Variants in VPS13B observed in about 807,000 individuals in gnomAD.
VPS13B encodes vacuolar protein sorting 13 homolog B.
A neutral mutation model predicts 426.4 loss-of-function variants in VPS13B; 285 were observed. The ratio of observed to expected loss-of-function variants is 0.67; its 90% CI spans 0.61 to 0.74. The LOEUF is 0.74. Among genes scored for constraint, VPS13B ranks in the 30% least tolerant of loss-of-function variants. The pLI is 0.00. For synonymous variants in VPS13B, 1,676 were observed against 1,676.4 expected, an observed-to-expected ratio of 1.00 and a Z score of 0.01; for missense variants, 4,537 against 4,782.6, an observed-to-expected ratio of 0.95 and a Z score of 1.51.
Position 99,490,529 on chromosome 8 carries a change from C to T in VPS13B, c.3870+8727C>T, listed in dbSNP as rs571956913. Among the ~76,000 whole-genome samples the T allele has an allele frequency of 1.2e-4, 19 of 152,258 alleles. No homozygotes were observed. The East Asian group carries it at 3.1e-3, about 25-fold the overall frequency. On this transcript the variant is annotated intron_variant, in intron 25 of 61. Transcript: ENST00000357162. ...GAATTCGGCTGTGTATCCATCTGGT[C>T]CTGGACTTTTTTTGGTTGGTAGGCT...
At chr8:99,708,715 T>C (rs1832586782) in intron 36 of VPS13B, among the ~76,000 whole-genome samples, 1 of 152,152 alleles carries the variant, frequency 6.6e-6, no homozygotes, top group Non-Finnish European at 1.5e-5. Context: ...TGGCATCTTT[T>C]ACAGCTTAAA....
chr8:99,375,272 A>G (rs192165474), intron 19 of VPS13B, among the ~76,000 whole-genome samples: 134 of 152,314 alleles, frequency 8.8e-4, no homozygotes, highest in African/African-American at 3.0e-3. Flanking sequence ...GCCAAGAATT[A>G]TAGCCACTAT....
chr8:99,394,607 C>T (rs911879611), intron 21 of VPS13B, among the ~76,000 whole-genome samples: 5 of 152,016 alleles, frequency 3.3e-5, no homozygotes, highest in Admixed American at 3.3e-4. Context: ...ACAATGAAAC[C>T]CCTAAGAGCT....
intron 21 of VPS13B, among the ~76,000 whole-genome samples, chr8:99,394,424 G>T (rs1199946375): frequency 6.6e-6 from 1 of 152,184 alleles, no homozygotes; most frequent in East Asian, 1.9e-4. Flanking sequence ...GCTGGCTACA[G>T]GGGGACCTGT....
At chr8:99,059,382 C>T (rs1009417825) in intron 3 of VPS13B, among the ~76,000 whole-genome samples, 1 of 152,148 alleles carries the variant, frequency 6.6e-6, no homozygotes, top group African/African-American at 2.4e-5. Flanking sequence ...GCCATGTTGG[C>T]CAGGCTGGTC....
intron 40 of VPS13B, 81 bp downstream of exon 40, chr8:99,767,051 C>G: frequency 5.1e-6 from 7 of 1,373,634 alleles, no homozygotes; most frequent in Non-Finnish European, 7.2e-6. Context: ...TGACCCCTCA[C>G]TTAACTGTAT....
intron 35 of VPS13B, chr8:99,695,934 G>A (rs1023735618): frequency 6.6e-5 from 10 of 152,270 alleles, no homozygotes; most frequent in African/African-American, 1.9e-4. Context: ...GAACTTCTGG[G>A]TAGTCCACCC....
chr8:99,473,686 TA>T (rs1442798539), intron 24 of VPS13B, among the ~76,000 whole-genome samples: 2 of 152,112 alleles, frequency 1.3e-5, no homozygotes, highest in East Asian at 1.9e-4. Flanking sequence ...GAAGAATTAA[TA>T]AAAGATATAA....
At chr8:99,282,885 A>T (rs1819242528) in intron 19 of VPS13B, among the ~76,000 whole-genome samples, 1 of 152,240 alleles carries the variant, frequency 6.6e-6, no homozygotes, top group Non-Finnish European at 1.5e-5. Flanking sequence ...AATAATTTAA[A>T]ATTTTACCCA....
intron 3 of VPS13B, among the ~76,000 whole-genome samples, chr8:99,071,747 G>A (rs1844862160): frequency 4.6e-5 from 7 of 152,108 alleles, no homozygotes; most frequent in Admixed American, 4.6e-4. Context: ...AATCTGCTTG[G>A]TGTTCTGTTC....
chr8:99,440,345 C>T lies in VPS13B; in HGVS notation c.3211-2056C>T, dbSNP rs573147102. Among the ~76,000 whole-genome samples, 5 of 152,206 alleles carry T rather than the reference C, an allele frequency of 3.3e-5. No individual in the cohort carries two copies. The South Asian group carries it at 1.0e-3, about 32-fold the overall frequency. Reference sequence around the variant, plus strand: ...CCCCAGCTTGAGGACTTCTTACTGGCAGATTACTTCATTTTCTTTCCCTTG... The same window carrying T: ...CCCCAGCTTGAGGACTTCTTACTGGTAGATTACTTCATTTTCTTTCCCTTG... On this transcript the variant is annotated intron_variant, in intron 22 of 61. Coordinates refer to ENST00000357162, the MANE Select transcript of VPS13B (RefSeq NM_152564.5).
At chr8:99,185,710 A>G (rs1813185326) in intron 16 of VPS13B, among the ~76,000 whole-genome samples, 1 of 152,134 alleles carries the variant, frequency 6.6e-6, no homozygotes, top group Admixed American at 6.5e-5. Flanking sequence ...ATATGGCAAA[A>G]ATTTAATGGT....
intron 2 of VPS13B, among the ~76,000 whole-genome samples, chr8:99,027,147 G>A (rs934655751): frequency 6.6e-6 from 1 of 152,172 alleles, no homozygotes; most frequent in Non-Finnish European, 1.5e-5. Context: ...AAAATGCTGG[G>A]AGTACATGTG....
At chr8:99,554,052 A>G (rs1388707626) in intron 30 of VPS13B, among the ~76,000 whole-genome samples, 1 of 152,050 alleles carries the variant, frequency 6.6e-6, no homozygotes, top group Non-Finnish European at 1.5e-5. Context: ...GGAAATTTCA[A>G]GCCTAAAAGC....
chr8:99,432,870 T>C lies in VPS13B; in HGVS notation c.3210+1206T>C, dbSNP rs1449459680. Among the ~76,000 whole-genome samples the C allele has an allele frequency of 6.6e-5, 10 of 152,322 alleles. No individual in the cohort carries two copies. The South Asian group carries it at 2.1e-3, about 32-fold the overall frequency. ...ATATAAAAGCAACTGACAAAATTTATTCATTTATTGATTCATTTTGCAAAA... is the reference window on the plus strand; with the variant it reads ...ATATAAAAGCAACTGACAAAATTTACTCATTTATTGATTCATTTTGCAAAA... On this transcript the variant is annotated intron_variant, in intron 22 of 61. Transcript: ENST00000357162.
chr8:99,692,209 G>A (rs1388693613), intron 35 of VPS13B, among the ~76,000 whole-genome samples: 1 of 148,218 alleles, frequency 6.7e-6, no homozygotes, highest in Admixed American at 6.8e-5. Context: ...GACATCTACA[G>A]AACTCTCCAC....
At chr8:99,769,842 T>A (rs1811395544) in intron 40 of VPS13B, among the ~76,000 whole-genome samples, 1 of 152,032 alleles carries the variant, frequency 6.6e-6, no homozygotes, top group Non-Finnish European at 1.5e-5. Flanking sequence ...GAGCCCCCAG[T>A]GCAAATGACC....
At chr8:99,523,568 A>G (rs147525162) in intron 30 of VPS13B, among the ~76,000 whole-genome samples, 1 of 152,196 alleles carries the variant, frequency 6.6e-6, no homozygotes, top group African/African-American at 2.4e-5. Context: ...GGAAGAGAGC[A>G]AGAGTCTTTG....
intron 43 of VPS13B, among the ~76,000 whole-genome samples, chr8:99,807,297 C>T (rs1813450376): frequency 6.6e-6 from 1 of 152,170 alleles, no homozygotes; most frequent in African/African-American, 2.4e-5. Flanking sequence ...TAAAACTGAG[C>T]TCATATGCAA....
Sources: allele counts gnomAD v4.1 joint callset (sites outside exome capture counted in the v4.1 genomes callset), GRCh38; gene constraint gnomAD v4.1.1; transcripts MANE v1.5; gene names NCBI Gene and HGNC (gene_info 2026-07-23, HGNC 2026-07-21).